PCDHA10: variants seen among roughly 807,000 people sequenced by gnomAD.
The protein encoded by PCDHA10 is protocadherin alpha 10, also known as protocadherin alpha-10.
Under a neutral mutation model 61.2 loss-of-function variants are expected in PCDHA10, and 45 were observed. The ratio of observed to expected loss-of-function variants is 0.74; its 90% CI spans 0.58 to 0.94. The LOEUF is 0.94. Ranked by LOEUF, PCDHA10 falls within the 40% of genes least tolerant of loss-of-function variation. The pLI is 0.00. For synonymous variants in PCDHA10, 602 were observed against 548.8 expected (o/e 1.10, Z -1.35); for missense variants, 1,278 against 1,236.2 (o/e 1.03, Z -0.51).
chr5:140,882,070 CA>C, intron 1 of PCDHA10: 1 of 854,288 alleles, frequency 1.2e-6, no homozygotes, highest in Non-Finnish European at 1.8e-6. Flanking sequence ...CGTTCATGCG[CA>C]TGGTGTCGCT....
intron 1 of PCDHA10, chr5:140,876,435 C>T: frequency 6.2e-7 from 1 of 1,613,970 alleles, no homozygotes; most frequent in South Asian, 1.1e-5. Context: ...TTCAGGTTAA[C>T]GCCATTGATA....
intron 3 of PCDHA10, among the ~76,000 whole-genome samples, chr5:140,985,173 G>A (rs939430246): frequency 1.3e-5 from 2 of 152,154 alleles, no homozygotes; most frequent in Admixed American, 6.5e-5. Flanking sequence ...TCCTGACCTC[G>A]TAATCCGCCT....
chr5:140,882,149 G>A (rs2058970957), intron 1 of PCDHA10: 2 of 1,501,900 alleles, frequency 1.3e-6, no homozygotes, highest in Middle Eastern at 4.3e-4. Flanking sequence ...ATAGCAGAAA[G>A]CGGAATACCT....
intron 1 of PCDHA10, chr5:140,869,913 C>T (rs782111162): frequency 3.7e-6 from 6 of 1,610,754 alleles, no homozygotes; most frequent in Non-Finnish European, 5.1e-6. Flanking sequence ...CAGACCGAGA[C>T]GAAGGAGTCA....
intron 1 of PCDHA10, among the ~76,000 whole-genome samples, chr5:140,941,845 C>T (rs2093180727): frequency 6.6e-6 from 1 of 152,160 alleles, no homozygotes. Context: ...GCTGCCATTA[C>T]CTGATATTCC....
At chr5:140,910,276 A>G (rs1461426502) in intron 1 of PCDHA10, among the ~76,000 whole-genome samples, 2 of 152,124 alleles carry the variant, frequency 1.3e-5, no homozygotes, top group African/African-American at 4.8e-5. Flanking sequence ...ACTTCTAGGA[A>G]CACCATGATT....
At chr5:140,984,139 C>T (rs2097088415) in intron 3 of PCDHA10, among the ~76,000 whole-genome samples, 1 of 152,178 alleles carries the variant, frequency 6.6e-6, no homozygotes. Flanking sequence ...GATGTGGAGG[C>T]ATCTGGGAAG....
intron 1 of PCDHA10, among the ~76,000 whole-genome samples, chr5:140,933,506 G>A (rs2089196836): frequency 6.6e-6 from 1 of 151,944 alleles, no homozygotes; most frequent in Non-Finnish European, 1.5e-5. Flanking sequence ...GTTAAGCAAA[G>A]ACTACAGCTG....
chr5:140,894,572 T>C (rs2064553478), intron 1 of PCDHA10, among the ~76,000 whole-genome samples: 2 of 152,010 alleles, frequency 1.3e-5, no homozygotes, highest in Admixed American at 6.5e-5. Flanking sequence ...TATTTTCCTT[T>C]TTTTTAATAT....
rs141467715 is a variant in PCDHA10 at position 140,882,439 on chromosome 5, G to A, written c.2388+24003G>A. 19 of 1,613,928 alleles carry A rather than the reference G, an allele frequency of 1.2e-5. No individual in the cohort carries two copies. The African/African-American group carries it at 1.5e-4, about 12-fold the overall frequency. ...CTCAGGACCTGGGGCTGGAGCTGGC[G>A]GAGCTGGTGCCGCGCCTGTTCCGGG... is the stretch of plus-strand genomic sequence containing the variant. On this transcript the variant is annotated intron_variant, in intron 1 of 3. Transcript: ENST00000307360.
At chr5:140,896,099 C>T (rs1395621401) in intron 1 of PCDHA10, among the ~76,000 whole-genome samples, 1 of 152,236 alleles carries the variant, frequency 6.6e-6, no homozygotes, top group Non-Finnish European at 1.5e-5. Context: ...GCGTGAGCCA[C>T]TGTGCCTGGC....
At chr5:140,973,728 C>G (rs1193811831) in intron 1 of PCDHA10, among the ~76,000 whole-genome samples, 1 of 152,232 alleles carries the variant, frequency 6.6e-6, no homozygotes, top group African/African-American at 2.4e-5. Context: ...ACATGGGCAT[C>G]TGGTCTAACT....
At position 140,969,614 on chromosome 5, in the gene PCDHA10, T is replaced by G. The variant is rs56144348; in HGVS notation, c.2389-9335T>G. The G allele has an allele frequency of 1.3e-3, 977 of 725,126 alleles. 8 individuals are homozygous for G. In the African/African-American group the frequency reaches 0.016, roughly 12 times the overall value. 44.9% of individuals were successfully genotyped at this position (725,126 alleles called of 1,614,324 possible). A position where few individuals can be genotyped will look rare whatever the true frequency, so the allele number is the denominator to read the frequency against. ...AATATTTAATGCTAAAACACAGATT[T>G]GTAGAGAAACAGGACAGGCCTTGGA... On this transcript the variant is annotated intron_variant, in intron 1 of 3. Transcript: ENST00000307360.
intron 1 of PCDHA10, chr5:140,882,629 G>A: frequency 6.2e-7 from 1 of 1,614,254 alleles, no homozygotes; most frequent in Admixed American, 1.7e-5. Context: ...CCATGTGGAG[G>A]TGAAGGTGAG....
chr5:140,883,533 A>T, intron 1 of PCDHA10: 2 of 1,614,190 alleles, frequency 1.2e-6, no homozygotes, highest in South Asian at 2.2e-5. Flanking sequence ...TCAGCCTATG[A>T]ACTGGTGGTG....
At chr5:140,861,541 A>C (rs2046969106) in intron 1 of PCDHA10, 1 of 426,724 alleles carries the variant, frequency 2.3e-6, no homozygotes, top group Admixed American at 2.3e-5. Context: ...TGCAGCATCC[A>C]CCTGGAAGTG....
chr5:140,865,381 G>A (rs1260895548), intron 1 of PCDHA10: 3 of 152,122 alleles, frequency 2.0e-5, no homozygotes, highest in African/African-American at 7.2e-5. Context: ...TATAGGTAGG[G>A]TAAAGTTAAT....
intron 1 of PCDHA10, among the ~76,000 whole-genome samples, chr5:140,917,749 C>G (rs2078340847): frequency 6.6e-6 from 1 of 152,144 alleles, no homozygotes; most frequent in African/African-American, 2.4e-5. Flanking sequence ...TCCCATTGGT[C>G]TATGTGTCTG....
intron 1 of PCDHA10, chr5:140,858,650 T>A (rs1581517795): frequency 6.1e-6 from 5 of 822,646 alleles, no homozygotes; most frequent in Admixed American, 3.2e-5. Context: ...GGTACTTAAA[T>A]TTTTTTAAAT....
Sources: allele counts gnomAD v4.1 joint callset (sites outside exome capture counted in the v4.1 genomes callset), GRCh38; gene constraint gnomAD v4.1.1; transcripts MANE v1.5; gene names NCBI Gene and HGNC (gene_info 2026-07-23, HGNC 2026-07-21).